Variants in TMEM217 observed in about 807,000 individuals in gnomAD.
TMEM217 encodes chromosome 6 open reading frame 128.
For synonymous variants in TMEM217, 76 were observed against 88.3 expected (o/e 0.86, Z 0.78); for missense variants, 204 against 248.8 (o/e 0.82, Z 1.21).
downstream of TMEM217, among the ~76,000 whole-genome samples, chr6:37,215,570 C>CGAA (rs1763146807): frequency 2.8e-5 from 2 of 72,376 alleles, no homozygotes; most frequent in Non-Finnish European, 2.4e-5. Context: ...GACTCTGTCT[C>CGAA]AAAAAAAAAA....
rs1323454041 is a variant in TMEM217, at chr6:37,229,364, A to G, written c.-11-10323T>C. On this transcript the variant is annotated intron_variant, in intron 1 of 1. Coordinates refer to ENST00000357219, the Ensembl canonical transcript of TMEM217. ...TTTTTTTTTTTTTTTTTTTTTTGAG[A>G]CAGTGTCTCGCTCTGTCGCCCAGGC... is the stretch of plus-strand genomic sequence containing the variant. Among the ~76,000 whole-genome samples, 3 of 4,190 alleles carry G rather than the reference A, an allele frequency of 7.2e-4. No individual in the cohort carries two copies. In the East Asian group the frequency reaches 0.014, roughly 20 times the overall value. 2.7% of individuals were successfully genotyped at this position (4,190 alleles called of 152,430 possible). A position where few individuals can be genotyped will look rare whatever the true frequency, so the allele number is the denominator to read the frequency against.
exon 2 of TMEM217, chr6:37,217,824 G>T: frequency 1.0e-6 from 1 of 985,482 alleles, no homozygotes; most frequent in Non-Finnish European, 1.2e-6. Flanking sequence ...GGCTAATGAA[G>T]ATGCCAAGAA....
At chr6:37,234,675 G>A (rs1755411879) in intron 1 of TMEM217, among the ~76,000 whole-genome samples, 1 of 152,110 alleles carries the variant, frequency 6.6e-6, no homozygotes, top group South Asian at 2.1e-4. Context: ...GGCAGAGGTT[G>A]CACTGAGCCG....
At chr6:37,253,261 A>G (rs1183924321) in intron 1 of TMEM217, among the ~76,000 whole-genome samples, 2 of 152,178 alleles carry the variant, frequency 1.3e-5, no homozygotes, top group Admixed American at 1.3e-4. Context: ...AAATCTTCAT[A>G]TTCTTTTCAT....
chr6:37,243,272 G>A (rs978820035), intron 1 of TMEM217, among the ~76,000 whole-genome samples: 15 of 152,264 alleles, frequency 9.9e-5, no homozygotes, highest in African/African-American at 3.6e-4. Context: ...TTATAAATTC[G>A]GTTGGCCAGA....
At chr6:37,241,919 G>T (rs1422572539) in intron 1 of TMEM217, among the ~76,000 whole-genome samples, 1 of 151,942 alleles carries the variant, frequency 6.6e-6, no homozygotes, top group Non-Finnish European at 1.5e-5. Context: ...ACAAGAGATG[G>T]CTTTATCGCG....
chr6:37,227,174 A>G (rs1007187474), intron 1 of TMEM217, among the ~76,000 whole-genome samples: 3 of 152,198 alleles, frequency 2.0e-5, no homozygotes, highest in African/African-American at 4.8e-5. Flanking sequence ...CACTGAGCCC[A>G]GAGACTCCAT....
rs1171699030 is a variant in TMEM217, at chr6:37,254,838, G to A, written c.-12+2730C>T. On this transcript the variant is annotated intron_variant, in intron 1 of 1. Coordinates refer to ENST00000357219, the Ensembl canonical transcript of TMEM217. Reference sequence around the variant, plus strand: ...TTTTGGCACCTGGGACCAGTTTCAGGGAAGACAACTTTTCCATGAAAATTT... The same window carrying A: ...TTTTGGCACCTGGGACCAGTTTCAGAGAAGACAACTTTTCCATGAAAATTT... 2.0e-5 allele frequency among the ~76,000 whole-genome samples: 3 copies of A among 152,094 alleles called. No homozygotes were observed. In the East Asian group the frequency reaches 5.8e-4, roughly 29 times the overall value.
exon 2 of TMEM217, chr6:37,218,741 T>G (rs1452904088): frequency 2.5e-6 from 4 of 1,614,122 alleles, no homozygotes. Context: ...CCAGACAATG[T>G]AGATGACCAG....
At chr6:37,243,935 G>C (rs903370679) in intron 1 of TMEM217, among the ~76,000 whole-genome samples, 1 of 152,166 alleles carries the variant, frequency 6.6e-6, no homozygotes, top group Non-Finnish European at 1.5e-5. Context: ...CATGGAGTCA[G>C]CCAGTCCTCA....
At position 37,249,388 on chromosome 6, in the gene TMEM217, T is replaced by G. The variant is rs145339544; in HGVS notation, c.-12+8180A>C. Among the ~76,000 whole-genome samples, 1,225 of 152,234 alleles carry G rather than the reference T, an allele frequency of 8.0e-3. 12 individuals carry two copies. The highest frequency in any genetic ancestry group is 0.012 in the Non-Finnish European group (832 of 67,992). ...ACGTTGGAGTGCAGTGGTGCAATCT[T>G]GGCTCACTGCAACCTCCACTTTCCA... On this transcript the variant is annotated intron_variant, in intron 1 of 1. Transcript: ENST00000357219.
chr6:37,212,580 C>A, exon 4 of TMEM217: 1 of 470,174 alleles, frequency 2.1e-6, no homozygotes, highest in Non-Finnish European at 4.2e-6. Flanking sequence ...AGTGCAGGAG[C>A]ATGTGTGAGA....
intron 1 of TMEM217, among the ~76,000 whole-genome samples, chr6:37,229,791 C>T (rs1764091359): frequency 6.6e-6 from 1 of 152,120 alleles, no homozygotes; most frequent in African/African-American, 2.4e-5. Context: ...CTATTGCTGC[C>T]ATAACAAATT....
intron 1 of TMEM217, among the ~76,000 whole-genome samples, chr6:37,252,854 G>A (rs972788143): frequency 1.3e-5 from 2 of 151,582 alleles, no homozygotes; most frequent in African/African-American, 4.9e-5. Context: ...TGCCCAGGCT[G>A]GTCTCGAACT....
At chr6:37,212,334 A>G (rs1030127757) in exon 4 of TMEM217, 2 of 357,316 alleles carry the variant, frequency 5.6e-6, no homozygotes, top group Non-Finnish European at 1.1e-5. Context: ...AAGCAGCATC[A>G]ACAGAAGACA....
rs181740550 is a variant in TMEM217, at chr6:37,229,406, G to A, written c.-11-10365C>T. ...CGCCCAGGCTGGAGTGCAGCGGCGCGATCTCGGCTCACTGCAAGCTCCGCC... is the reference window on the plus strand; with the variant it reads ...CGCCCAGGCTGGAGTGCAGCGGCGCAATCTCGGCTCACTGCAAGCTCCGCC... On this transcript the variant is annotated intron_variant, in intron 1 of 1. Coordinates refer to ENST00000357219, the Ensembl canonical transcript of TMEM217. Among the ~76,000 whole-genome samples the A allele has an allele frequency of 1.3e-3, 189 of 146,070 alleles. 6 individuals carry two copies. Among genetic ancestry groups the A allele is most frequent in the Admixed American group, 0.012 (167 of 14,256 alleles).
chr6:37,241,317 A>G (rs1455000450), intron 1 of TMEM217, among the ~76,000 whole-genome samples: 1 of 152,032 alleles, frequency 6.6e-6, no homozygotes, highest in Non-Finnish European at 1.5e-5. Flanking sequence ...TGTCAAAGAA[A>G]AAAAAGGTGG....
At chr6:37,217,171 G>A (rs1411130838), downstream of TMEM217, among the ~76,000 whole-genome samples, 2 of 152,194 alleles carry the variant, frequency 1.3e-5, no homozygotes, top group Non-Finnish European at 2.9e-5. Flanking sequence ...GCCTGTGCCT[G>A]TAATCCCAGC....
intron 1 of TMEM217, among the ~76,000 whole-genome samples, chr6:37,227,261 A>G (rs993237948): frequency 1.2e-4 from 18 of 152,162 alleles, no homozygotes; most frequent in African/African-American, 3.9e-4. Flanking sequence ...AGTGTTGGCA[A>G]TTCTTCCTCC....
Sources: allele counts gnomAD v4.1 joint callset (sites outside exome capture counted in the v4.1 genomes callset), GRCh38; gene constraint gnomAD v4.1.1; transcripts MANE v1.5; gene names NCBI Gene and HGNC (gene_info 2026-07-23, HGNC 2026-07-21).